CARS2: variants seen among roughly 807,000 people sequenced by gnomAD.
The protein encoded by CARS2 is cysteinyl-tRNA synthetase 2, mitochondrial, also known as probable cysteine--tRNA ligase, mitochondrial.
Under a neutral mutation model 68.8 loss-of-function variants are expected in CARS2, and 52 were observed. That is an observed-to-expected ratio of 0.76 (90% confidence interval 0.61 to 0.95). The LOEUF is 0.95. Ranked by LOEUF, CARS2 falls within the 40% of genes least tolerant of loss-of-function variation. CARS2 has a pLI of 0.00. For missense variants in CARS2, 780 were observed against 754.2 expected (o/e 1.03, Z -0.40); for synonymous variants, 314 against 303.6 (o/e 1.03, Z -0.36).
chr13:110,663,637 G>T, intron 8 of CARS2, 119 bp from the exon 9 acceptor site: 1 of 1,454,044 alleles, frequency 6.9e-7, no homozygotes, highest in Non-Finnish European at 9.0e-7. Context: ...ATAGACCAGT[G>T]TATGTTGGTA....
chr13:110,683,919 G>A (rs1333790042), intron 5 of CARS2, among the ~76,000 whole-genome samples: 2 of 152,186 alleles, frequency 1.3e-5, no homozygotes, highest in African/African-American at 4.8e-5. Flanking sequence ...GCCAAGGTCC[G>A]CTTTGCAGTC....
chr13:110,694,893 C>T (rs112252865), intron 3 of CARS2, among the ~76,000 whole-genome samples: 4 of 152,216 alleles, frequency 2.6e-5, no homozygotes, highest in African/African-American at 7.2e-5. Flanking sequence ...CAATGTCCAA[C>T]GGTGGAAGAA....
chr13:110,674,930 T>C (rs1374648147), intron 7 of CARS2, among the ~76,000 whole-genome samples: 1 of 152,192 alleles, frequency 6.6e-6, no homozygotes, highest in Non-Finnish European at 1.5e-5. Flanking sequence ...AAAGAAGACA[T>C]TTATGCAGCC....
chr13:110,651,376 G>A (rs755292894), intron 9 of CARS2, among the ~76,000 whole-genome samples: 31 of 152,358 alleles, frequency 2.0e-4, no homozygotes, highest in Middle Eastern at 3.4e-3. Context: ...TCCAGGAGGA[G>A]TGTGTCCTGT....
rs915199152 is a variant in CARS2, at chr13:110,665,090, A to C, written c.920-1572T>G. The C allele has an allele frequency of 1.0e-6, 1 of 985,344 alleles. No homozygotes were observed. The highest frequency in any genetic ancestry group is 1.2e-6 in the Non-Finnish European group (1 of 829,944). 61.0% of individuals were successfully genotyped at this position (985,344 alleles called of 1,614,324 possible). On this transcript the variant is annotated intron_variant, in intron 8 of 14. Coordinates refer to ENST00000257347, the MANE Select transcript of CARS2 (RefSeq NM_024537.4). This position sits in a 1 kb window ranked among gnomAD's most constrained non-coding sequence, Gnocchi z 4.3. ...AGACACTGATGTTTTGTTTGGGGCC[A>C]AACTAGTATGAAAAAGATCGCTGGT...
intron 6 of CARS2, among the ~76,000 whole-genome samples, chr13:110,680,539 G>A (rs11619800): frequency 0.53 from 79,983 of 152,072 alleles, 22,441 homozygotes; most frequent in Non-Finnish European, 0.64. Context: ...GAGCCCTTAC[G>A]TGTCTCCTGG....
chr13:110,660,658 A>G (rs1447873326), intron 9 of CARS2, among the ~76,000 whole-genome samples: 1 of 152,166 alleles, frequency 6.6e-6, no homozygotes, highest in African/African-American at 2.4e-5. Flanking sequence ...AGGTCTCAAC[A>G]GTGGGCTTAA....
intron 3 of CARS2, among the ~76,000 whole-genome samples, chr13:110,697,288 C>T (rs2063650307): frequency 1.3e-5 from 2 of 152,242 alleles, no homozygotes; most frequent in Admixed American, 1.3e-4. Flanking sequence ...CCTTCTAAAT[C>T]CTGCCTCTTA....
chr13:110,657,963 G>A (rs1287395556), intron 9 of CARS2, among the ~76,000 whole-genome samples: 1 of 152,160 alleles, frequency 6.6e-6, no homozygotes, highest in Non-Finnish European at 1.5e-5. Context: ...GCTTCTACCT[G>A]GATCAAACTG....
At chr13:110,682,764 G>C (rs2063193013) in intron 6 of CARS2, among the ~76,000 whole-genome samples, 1 of 152,166 alleles carries the variant, frequency 6.6e-6, no homozygotes, top group Admixed American at 6.5e-5. Context: ...CATGTGCGCT[G>C]AAAACCCTGG....
At chr13:110,678,892 C>G (rs1489815678) in intron 6 of CARS2, among the ~76,000 whole-genome samples, 1 of 152,126 alleles carries the variant, frequency 6.6e-6, no homozygotes, top group Non-Finnish European at 1.5e-5. Context: ...AGGCTGGGCA[C>G]TCCAACATAT....
rs2062719388 is a variant in CARS2, at chr13:110,668,693, C to A, written c.786-1220G>T. Among the ~76,000 whole-genome samples, 1 of 152,164 alleles carries A rather than the reference C, an allele frequency of 6.6e-6. No homozygotes were observed. The highest frequency in any genetic ancestry group is 6.5e-5 in the Admixed American group (1 of 15,272). On this transcript the variant is annotated intron_variant, in intron 7 of 14. Transcript: ENST00000257347. This position sits in a 1 kb window ranked among gnomAD's most constrained non-coding sequence, Gnocchi z 4.1. The stretch of plus-strand genomic sequence containing the variant: ...CATTTGTATTTGGATGGGCAATTCT[C>A]CCTTCCGAAGATCTGAAGCCAACAC...
chr13:110,656,226 C>T (rs1008974887), intron 9 of CARS2, among the ~76,000 whole-genome samples: 10 of 152,082 alleles, frequency 6.6e-5, no homozygotes, highest in Admixed American at 3.9e-4. Context: ...TCACTTGAAC[C>T]TGGGAGGCAG....
chr13:110,642,830 C>G (rs985836209), intron 13 of CARS2: 1 of 630,536 alleles, frequency 1.6e-6, no homozygotes, highest in African/African-American at 1.8e-5. Flanking sequence ...TCCCTGGCTT[C>G]CAGACCTCAC....
chr13:110,686,876 T>C (rs1210304407), intron 5 of CARS2, among the ~76,000 whole-genome samples: 2 of 151,830 alleles, frequency 1.3e-5, no homozygotes, highest in Admixed American at 1.3e-4. Context: ...TTTTGTTTTT[T>C]GTGCAGGGGA....
intron 6 of CARS2, 95 bp from the exon 7 acceptor site, chr13:110,677,198 C>T (rs2062978993): frequency 7.5e-7 from 1 of 1,326,028 alleles, no homozygotes. Flanking sequence ...CCCAGACAGT[C>T]ACCCCCACCA....
chr13:110,651,642 T>G (rs953418274), intron 9 of CARS2, among the ~76,000 whole-genome samples: 1 of 152,262 alleles, frequency 6.6e-6, no homozygotes, highest in Non-Finnish European at 1.5e-5. Context: ...GCGCTAAGTC[T>G]GTCTCTTGAA....
chr13:110,645,391 G>C (rs975183016), intron 12 of CARS2: 1 of 152,306 alleles, frequency 6.6e-6, no homozygotes, highest in Non-Finnish European at 1.5e-5. Context: ...AAACAGCCTC[G>C]GCTTCCCGGG....
Position 110,647,134 on chromosome 13 carries a change from C to T in CARS2, c.1160G>A (p.Cys387Tyr). 1 of 1,606,104 alleles carries T rather than the reference C, an allele frequency of 6.2e-7. No homozygotes were observed. The highest frequency in any genetic ancestry group is 8.5e-7 in the Non-Finnish European group (1 of 1,176,770). The stretch of plus-strand genomic sequence containing the variant: ...CAGCATCGCTTCCCTGACGGAGCCG[C>T]AGGCCAGCTGCCCCTTCATGTAGGC... ...ARAYMKGQLA[C>Y]GSVREAMLWE... Residue 387 changes from cysteine (C) to tyrosine (Y), a missense_variant, in exon 11 of 15, where the codon TGC becomes TAC. Transcript: ENST00000257347.
Sources: allele counts gnomAD v4.1 joint callset (sites outside exome capture counted in the v4.1 genomes callset), GRCh38; gene constraint gnomAD v4.1.1; non-coding constraint Gnocchi (gnomAD v3.1); transcripts MANE v1.5; gene names NCBI Gene and HGNC (gene_info 2026-07-23, HGNC 2026-07-21).